Variants in FXYD6 observed in about 807,000 individuals in gnomAD.
FXYD6 encodes the protein FXYD domain-containing ion transport regulator 6.
FXYD6 carries 7 observed loss-of-function variants against 16.7 expected under a neutral mutation model. That is an observed-to-expected ratio of 0.42 (90% CI 0.24 to 0.79). FXYD6 has a LOEUF of 0.79. Ranked by LOEUF, FXYD6 falls within the 30% of genes least tolerant of loss-of-function variation. The pLI, the probability that FXYD6 is intolerant of heterozygous loss-of-function variation, is 0.28. For missense variants in FXYD6, 111 were observed against 116.2 expected, an observed-to-expected ratio of 0.95 and a Z score of 0.21; for synonymous variants, 49 against 43.0, an observed-to-expected ratio of 1.14 and a Z score of -0.54.
chr11:117,842,677 G>C, intron 2 of FXYD6, 42 bp downstream of exon 2: 1 of 1,545,744 alleles, frequency 6.5e-7, no homozygotes, highest in East Asian at 2.4e-5. Flanking sequence ...GGCTGGACAG[G>C]GTTGTCATCT....
intron 1 of FXYD6, among the ~76,000 whole-genome samples, chr11:117,846,959 G>A (rs749567696): frequency 7.2e-5 from 11 of 152,168 alleles, no homozygotes; most frequent in Non-Finnish European, 1.0e-4. Context: ...CCTATCTATA[G>A]AACAACCTGG....
rs910077017 is a variant in FXYD6 at position 117,838,381 on chromosome 11, T to C, written c.*22-104A>G. The C allele has an allele frequency of 1.7e-5, 12 of 693,028 alleles. No homozygotes were observed. The African/African-American group carries it at 2.1e-4, about 12-fold the overall frequency. The allele number at this position is 693,028 out of a possible 1,614,324, so 42.9% of individuals were successfully genotyped here. A position where few individuals can be genotyped will look rare whatever the true frequency, so the allele number is the denominator to read the frequency against. On this transcript the variant is annotated intron_variant, in intron 7 of 7. Coordinates refer to ENST00000526014, the MANE Select transcript of FXYD6 (RefSeq NM_022003.4). ...CACCTGCCCACTGAAATTCCCGGTA[T>C]GACAGCCTCGTCTGAGACGCAGAGA...
chr11:117,866,389 C>T (rs757247767), intron 1 of FXYD6, among the ~76,000 whole-genome samples: 45 of 152,164 alleles, frequency 3.0e-4, no homozygotes, highest in Middle Eastern at 3.2e-3. Context: ...CCTGACCAAG[C>T]TGGGCTCACC....
At chr11:117,845,466 C>A (rs2056448242) in intron 1 of FXYD6, among the ~76,000 whole-genome samples, 1 of 152,006 alleles carries the variant, frequency 6.6e-6, no homozygotes, top group Admixed American at 6.5e-5. Context: ...ATTATGATAT[C>A]ATGTTTATAG....
At chr11:117,867,684 C>G (rs2057040222) in intron 1 of FXYD6, among the ~76,000 whole-genome samples, 1 of 152,160 alleles carries the variant, frequency 6.6e-6, no homozygotes, top group South Asian at 2.1e-4. Flanking sequence ...TCATTACTTT[C>G]AGCTAAGATG....
At position 117,858,652 on chromosome 11, in the gene FXYD6, TTTC is replaced by T. The variant is rs532854139; in HGVS notation, c.-5-15874_-5-15872del. On this transcript the variant is annotated intron_variant, in intron 1 of 7. Transcript: ENST00000526014. Reference sequence around the variant, plus strand: ...TCTTTTTTCTTTCTTTCTTTCTTTCTTTCTTTCTTTCTTTCTTTCTTTCTTTCT... The same window carrying T: ...TCTTTTTTCTTTCTTTCTTTCTTTCTTTTCTTTCTTTCTTTCTTTCTTTCT... Among the ~76,000 whole-genome samples the T allele has an allele frequency of 1.9e-4, 13 of 69,982 alleles. No individual in the cohort carries two copies. The South Asian group carries it at 8.0e-3, about 43-fold the overall frequency. The allele number at this position is 69,982 out of a possible 152,430, so 45.9% of individuals were successfully genotyped here.
At chr11:117,850,051 C>T (rs554843746) in intron 1 of FXYD6, among the ~76,000 whole-genome samples, 16 of 152,302 alleles carry the variant, frequency 1.1e-4, no homozygotes, top group Admixed American at 5.2e-4. Flanking sequence ...ACCCTGACTA[C>T]GCTTGCTCAG....
intron 1 of FXYD6, among the ~76,000 whole-genome samples, chr11:117,854,040 A>ACCTC (rs910772694): frequency 6.6e-6 from 1 of 151,826 alleles, no homozygotes; most frequent in East Asian, 1.9e-4. Flanking sequence ...TCTGTAAAAC[A>ACCTC]CCTCCCTCCC....
At chr11:117,858,363 C>A (rs961995831) in intron 1 of FXYD6, 1 of 152,358 alleles carries the variant, frequency 6.6e-6, no homozygotes, top group African/African-American at 2.4e-5. Flanking sequence ...GAGCAGAGCT[C>A]CAGGGGGGCT....
rs1258882439 is a variant in FXYD6 at position 117,858,632 on chromosome 11, TTTCTTTCTTTCTTTCTTTC to T, written c.-5-15870_-5-15852del. The stretch of plus-strand genomic sequence containing the variant: ...GAGTCGATTCTGCTTCATTTTCTTT[TTTCTTTCTTTCTTTCTTTC>T]TTTCTTTCTTTCTTTCTTTCTTTCT... On this transcript the variant is annotated intron_variant, in intron 1 of 7. Transcript: ENST00000526014. Among the ~76,000 whole-genome samples the T allele has an allele frequency of 3.5e-3, 71 of 20,054 alleles. 1 individual carries two copies. The highest frequency in any genetic ancestry group is 8.9e-4 in the Non-Finnish European group (9 of 10,166). The allele number at this position is 20,054 out of a possible 152,430, so 13.2% of individuals were successfully genotyped here.
chr11:117,852,626 G>A (rs924676007), intron 1 of FXYD6, among the ~76,000 whole-genome samples: 1 of 152,078 alleles, frequency 6.6e-6, no homozygotes, highest in Admixed American at 6.5e-5. Context: ...ACTGATTGTC[G>A]TGAGTTTCAT....
chr11:117,860,384 A>G (rs2056877299), intron 1 of FXYD6, among the ~76,000 whole-genome samples: 1 of 152,142 alleles, frequency 6.6e-6, no homozygotes, highest in African/African-American at 2.4e-5. Context: ...GGTACCTGAG[A>G]GAGCTCTGCG....
At chr11:117,849,097 T>A (rs955810765) in intron 1 of FXYD6, among the ~76,000 whole-genome samples, 4 of 152,222 alleles carry the variant, frequency 2.6e-5, no homozygotes, top group African/African-American at 9.6e-5. Context: ...GACTGCAATG[T>A]TCCCTCTAAG....
intron 1 of FXYD6, among the ~76,000 whole-genome samples, chr11:117,847,065 C>A (rs1040985987): frequency 1.3e-5 from 2 of 152,208 alleles, no homozygotes; most frequent in Non-Finnish European, 2.9e-5. Context: ...TAAATGCTTT[C>A]ATACAGGTGT....
At chr11:117,859,743 T>G (rs1217313058) in intron 1 of FXYD6, among the ~76,000 whole-genome samples, 2 of 152,104 alleles carry the variant, frequency 1.3e-5, no homozygotes, top group Non-Finnish European at 2.9e-5. Flanking sequence ...CTATTTTCCT[T>G]CCAAACAGTA....
At chr11:117,844,554 G>C (rs2056430523) in intron 1 of FXYD6, among the ~76,000 whole-genome samples, 2 of 152,050 alleles carry the variant, frequency 1.3e-5, no homozygotes, top group Admixed American at 6.5e-5. Context: ...GAATGCAATG[G>C]TGCGATCTCG....
At chr11:117,845,463 TATC>T (rs1260504084) in intron 1 of FXYD6, among the ~76,000 whole-genome samples, 2 of 152,208 alleles carry the variant, frequency 1.3e-5, no homozygotes, top group African/African-American at 4.8e-5. Flanking sequence ...ATAATTATGA[TATC>T]ATGTTTATAG....
At chr11:117,841,355 A>C (rs1214315553) in intron 4 of FXYD6, among the ~76,000 whole-genome samples, 171 bp from the exon 5 acceptor site, 1 of 152,080 alleles carries the variant, frequency 6.6e-6, no homozygotes, top group Non-Finnish European at 1.5e-5. Context: ...TTCTGGGGCA[A>C]AGGAAATACA....
At chr11:117,844,656 A>G (rs1200186085) in intron 1 of FXYD6, among the ~76,000 whole-genome samples, 2 of 151,970 alleles carry the variant, frequency 1.3e-5, no homozygotes, top group Non-Finnish European at 2.9e-5. Flanking sequence ...CACCACACCC[A>G]GCTAATTTTT....
Sources: gnomAD v4.1 joint callset for allele counts (sites outside exome capture counted in the v4.1 genomes callset) on GRCh38, gnomAD v4.1.1 for gene constraint, MANE v1.5 for transcripts, NCBI Gene and HGNC (gene_info 2026-07-23, HGNC 2026-07-21) for gene names.